Variants in TET2 observed in about 807,000 individuals in gnomAD.
The protein encoded by TET2 is tet methylcytosine dioxygenase 2, also known as methylcytosine dioxygenase TET2.
TET2 carries 299 observed loss-of-function variants against 142.9 expected under a neutral mutation model. The ratio of observed to expected loss-of-function variants is 2.09; its 90% CI spans 1.90 to 2.30. The LOEUF (loss-of-function observed/expected upper bound fraction) is 2.30. TET2 is among the 30% of genes most tolerant of loss of function. The pLI, the probability that TET2 is intolerant of heterozygous loss-of-function variation, is 0.00. For synonymous variants in TET2, 819 were observed against 849.0 expected (o/e 0.96, Z 0.61); for missense variants, 2,418 against 2,378.0 (o/e 1.02, Z -0.35).
In TET2 at chr4:105,234,668, G is replaced by A. The variant is rs768754118; in HGVS notation, c.726G>A (p.Val242=). Residue 242 remains valine, a synonymous_variant, in exon 3 of 11, where the codon GTG becomes GTA. Transcript: ENST00000380013. ...ATCCAGATTGTGTTTCCATTGCGGTGCAGAAAACCACATCTCACATAAATG... is the reference window on the plus strand; with the variant it reads ...ATCCAGATTGTGTTTCCATTGCGGTACAGAAAACCACATCTCACATAAATG... ...QYYPDCVSIA[V]QKTTSHINAI... is the part of the protein sequence containing the mutation. 18 of 1,613,958 alleles carry A rather than the reference G, an allele frequency of 1.1e-5. No individual in the cohort carries two copies. Among genetic ancestry groups the A allele is most frequent in the Non-Finnish European group, 1.0e-5 (12 of 1,180,028 alleles).
chr4:105,202,301 A>G (rs1726530797), intron 2 of TET2: 1 of 152,162 alleles, frequency 6.6e-6, no homozygotes, highest in Non-Finnish European at 1.5e-5. Context: ...CTGATGCTGA[A>G]AATAATGTGA....
intron 2 of TET2, among the ~76,000 whole-genome samples, chr4:105,212,732 G>A (rs1727244939): frequency 1.3e-5 from 2 of 152,128 alleles, no homozygotes; most frequent in Admixed American, 6.5e-5. Flanking sequence ...GCTCACGCCT[G>A]TAATCCCAGC....
intron 1 of TET2, among the ~76,000 whole-genome samples, chr4:105,177,174 C>T (rs535435933): frequency 1.3e-5 from 2 of 152,138 alleles, no homozygotes; most frequent in Non-Finnish European, 2.9e-5. Flanking sequence ...CTATAAAACT[C>T]CCAGAAGATA....
chr4:105,259,929 A>G (rs1243168819), intron 7 of TET2, among the ~76,000 whole-genome samples, 160 bp downstream of exon 7: 1 of 152,162 alleles, frequency 6.6e-6, no homozygotes, highest in East Asian at 1.9e-4. Flanking sequence ...TAATAATCAT[A>G]TTATGCCAAA....
At chr4:105,256,756 A>G (rs1476422127) in intron 6 of TET2, among the ~76,000 whole-genome samples, 1 of 152,142 alleles carries the variant, frequency 6.6e-6, no homozygotes, top group East Asian at 1.9e-4. Context: ...GGTCTTCCAC[A>G]GATCTCTGAG....
intron 6 of TET2, among the ~76,000 whole-genome samples, chr4:105,253,704 A>C (rs1019270068): frequency 6.6e-6 from 1 of 152,104 alleles, no homozygotes; most frequent in Admixed American, 6.5e-5. Context: ...GAGGCAACAT[A>C]CTTGCCTTGT....
intron 1 of TET2, among the ~76,000 whole-genome samples, chr4:105,173,085 A>G (rs1374713673): frequency 6.6e-6 from 1 of 152,186 alleles, no homozygotes; most frequent in African/African-American, 2.4e-5. Flanking sequence ...CCTCTCAACA[A>G]TATAAATTTT....
chr4:105,268,355 C>T lies in TET2; in HGVS notation c.4045-1255C>T, dbSNP rs10004750. ...TGACAAAAATGTATAAGATTATATACTGGAAACTAAAACATTGCTGAGATA... is the reference window on the plus strand; with the variant it reads ...TGACAAAAATGTATAAGATTATATATTGGAAACTAAAACATTGCTGAGATA... On this transcript the variant is annotated intron_variant, in intron 8 of 10. Coordinates refer to ENST00000380013, the MANE Select transcript of TET2 (RefSeq NM_001127208.3). Among the ~76,000 whole-genome samples, 403 of 152,122 alleles carry T rather than the reference C, an allele frequency of 2.6e-3. 3 individuals carry two copies. Among genetic ancestry groups the T allele is most frequent in the African/African-American group, 7.9e-3 (327 of 41,514 alleles).
chr4:105,249,613 T>A (rs1414712418), intron 6 of TET2, among the ~76,000 whole-genome samples: 1 of 152,216 alleles, frequency 6.6e-6, no homozygotes, highest in East Asian at 1.9e-4. Flanking sequence ...GAAAATGTTA[T>A]TGTCTTTTTA....
At chr4:105,219,238 A>G (rs186538119) in intron 2 of TET2, among the ~76,000 whole-genome samples, 153 of 152,256 alleles carry the variant, frequency 1.0e-3, no homozygotes, top group African/African-American at 3.6e-3. Flanking sequence ...TAACCGTAAT[A>G]TCCTACAAAT....
intron 6 of TET2, among the ~76,000 whole-genome samples, chr4:105,256,308 CAAT>C (rs979498546): frequency 8.5e-5 from 13 of 152,056 alleles, no homozygotes; most frequent in African/African-American, 3.1e-4. Flanking sequence ...TGCCTGAAAA[CAAT>C]AAACTCTTAT....
chr4:105,162,481 A>G (rs1698985786), intron 1 of TET2, among the ~76,000 whole-genome samples: 1 of 152,220 alleles, frequency 6.6e-6, no homozygotes, highest in African/African-American at 2.4e-5. Flanking sequence ...ATTTTAAACT[A>G]TCATTATCAC....
chr4:105,171,280 A>T (rs985788636), intron 1 of TET2: 4 of 152,198 alleles, frequency 2.6e-5, no homozygotes, highest in African/African-American at 9.6e-5. Context: ...AATACTATTA[A>T]AGAATTATCA....
In TET2 at chr4:105,213,500, G is replaced by T. The variant is rs554283343; in HGVS notation, c.-46-20397G>T. Among the ~76,000 whole-genome samples the T allele has an allele frequency of 3.9e-3, 599 of 152,284 alleles. 1 individual carries two copies. The highest frequency in any genetic ancestry group is 5.6e-3 in the Non-Finnish European group (384 of 68,020). ...CTACCACATCTGTATTCTTCTCATT[G>T]TAAGATGTTACATATACCTATGCTT... is the stretch of plus-strand genomic sequence containing the variant. On this transcript the variant is annotated intron_variant, in intron 2 of 10. Coordinates refer to ENST00000380013, the MANE Select transcript of TET2 (RefSeq NM_001127208.3).
rs752979628 is a variant in TET2 at position 105,235,544 on chromosome 4, A to G, written c.1602A>G (p.Arg534=). Residue 534 remains arginine (R), a synonymous_variant, in exon 3 of 11, where the codon AGA becomes AGG. Transcript: ENST00000380013. ...AGGACAACTGCCAGCAGTTGATGAGAAACAAAGAGCAAGAGATTCTGAAGG... is the reference window on the plus strand; with the variant it reads ...AGGACAACTGCCAGCAGTTGATGAGGAACAAAGAGCAAGAGATTCTGAAGG... ...ELQDNCQQLM[R]NKEQEILKGR... is the part of the protein sequence containing the mutation. 1.2e-6 allele frequency: 2 copies of G among 1,614,158 alleles called. No individual in the cohort carries two copies. Among genetic ancestry groups the G allele is most frequent in the Non-Finnish European group, 1.7e-6 (2 of 1,180,008 alleles).
At chr4:105,199,450 C>A (rs1033476786) in intron 2 of TET2, among the ~76,000 whole-genome samples, 11 of 152,114 alleles carry the variant, frequency 7.2e-5, no homozygotes, top group South Asian at 2.1e-4. Context: ...TTTTAACTTA[C>A]AATTTATTAA....
chr4:105,205,777 A>G (rs1026961575), intron 2 of TET2, among the ~76,000 whole-genome samples: 4 of 152,012 alleles, frequency 2.6e-5, no homozygotes, highest in East Asian at 1.9e-4. Flanking sequence ...GATTATAGGC[A>G]TGCACCACCA....
In TET2 at chr4:105,252,040, C is replaced by T. The variant is rs983731097; in HGVS notation, c.3804-7579C>T. Among the ~76,000 whole-genome samples the T allele has an allele frequency of 3.9e-5, 6 of 152,200 alleles. No individual in the cohort carries two copies. The South Asian group carries it at 1.2e-3, about 32-fold the overall frequency. ...TCAATGAACCTGCATTGACAATTGT[C>T]GATGAAAGTTCATAGTTTAGAGTTC... On this transcript the variant is annotated intron_variant, in intron 6 of 10. Coordinates refer to ENST00000380013, the MANE Select transcript of TET2 (RefSeq NM_001127208.3).
chr4:105,275,088 GCAGCCC>G lies in TET2; in HGVS notation c.4584_4589del (p.Gln1529_Pro1530del). ...CAGGACCAGTCATGCAGCAGTCCCA[GCAGCCC>G]CAGCCTCTACAGAAGCAGCCACCAC... On this transcript the variant is annotated inframe_deletion, in exon 11 of 11. Coordinates refer to ENST00000380013, the MANE Select transcript of TET2 (RefSeq NM_001127208.3). 6.5e-7 allele frequency: 1 copy of G among 1,548,974 alleles called. No homozygotes were observed.
Sources: gnomAD v4.1 joint callset for allele counts (sites outside exome capture counted in the v4.1 genomes callset) on GRCh38, gnomAD v4.1.1 for gene constraint, MANE v1.5 for transcripts, NCBI Gene and HGNC (gene_info 2026-07-23, HGNC 2026-07-21) for gene names.